Variants in BNC2 observed in about 807,000 individuals in gnomAD.
BNC2 encodes the protein basonuclin zinc finger protein 2.
A neutral mutation model predicts 76.3 loss-of-function variants in BNC2; 20 were observed. The ratio of observed to expected loss-of-function variants is 0.26; its 90% CI spans 0.18 to 0.38. The LOEUF is 0.38. Among genes scored for constraint, BNC2 ranks in the 10% least tolerant of loss-of-function variants. The pLI is 1.00. For missense variants in BNC2, 1,382 were observed against 1,399.8 expected, an observed-to-expected ratio of 0.99 and a Z score of 0.20; for synonymous variants, 582 against 514.8, an observed-to-expected ratio of 1.13 and a Z score of -1.77.
chr9:16,679,748 G>T (rs1162377100), intron 3 of BNC2, among the ~76,000 whole-genome samples: 1 of 152,194 alleles, frequency 6.6e-6, no homozygotes, highest in Non-Finnish European at 1.5e-5. Context: ...AGGCAGGAAG[G>T]CGTGAGAAAC....
intron 1 of BNC2, among the ~76,000 whole-genome samples, chr9:16,747,612 C>G (rs184116940): frequency 6.6e-6 from 1 of 152,330 alleles, no homozygotes; most frequent in African/African-American, 2.4e-5. Context: ...ACTGGGAATT[C>G]AAGACCAAGT....
At chr9:16,828,023 C>T (rs1315240257) in intron 1 of BNC2, among the ~76,000 whole-genome samples, 1 of 152,164 alleles carries the variant, frequency 6.6e-6, no homozygotes, top group Non-Finnish European at 1.5e-5. Context: ...ACTACTAACA[C>T]TAAATGATCT....
At chr9:16,823,266 G>A (rs1051153740) in intron 1 of BNC2, among the ~76,000 whole-genome samples, 6 of 151,828 alleles carry the variant, frequency 4.0e-5, no homozygotes, top group Admixed American at 1.3e-4. Flanking sequence ...AAGTTTATAG[G>A]TCAAACATTA....
chr9:16,615,844 A>C (rs559321583), intron 3 of BNC2, among the ~76,000 whole-genome samples: 4 of 152,318 alleles, frequency 2.6e-5, no homozygotes, highest in East Asian at 1.9e-4. Flanking sequence ...GAATTAATTT[A>C]ATTTTCATGA....
Position 16,415,382 on chromosome 9 carries a change from G to GA in BNC2, c.*3606dup, listed in dbSNP as rs1204924609. On this transcript the variant is annotated 3_prime_UTR_variant, in exon 7 of 7. Transcript: ENST00000380672. ...AGTACAAGTTTCAACATCAGCTAGA[G>GA]AACATGCACAGTCATACCGCCTAAT... The GA allele has an allele frequency of 3.9e-5, 6 of 152,582 alleles. No individual in the cohort carries two copies. Among genetic ancestry groups the GA allele is most frequent in the Non-Finnish European group, 8.8e-5 (6 of 68,036 alleles). The allele number at this position is 152,582 out of a possible 1,614,324, so 9.5% of individuals were successfully genotyped here.
In BNC2 at chr9:16,419,211, G is replaced by C. The variant is rs758679499; in HGVS notation, c.3078C>G (p.Ser1026Arg). 1 of 1,614,196 alleles carries C rather than the reference G, an allele frequency of 6.2e-7. No individual in the cohort carries two copies. The highest frequency in any genetic ancestry group is 2.2e-5 in the East Asian group (1 of 44,854). Residue 1026 changes from serine to arginine, a missense_variant, in exon 7 of 7, where the codon AGC becomes AGG. Transcript: ENST00000380672. ...TCCCACCATTGCTCCCAGACAAGCT[G>C]CTGAACATAAGAGATCCTGAAACTT... ...GAEVSGSLMF[S>R]SLSGSNGGIM...
intron 5 of BNC2, among the ~76,000 whole-genome samples, chr9:16,534,004 TCTAC>T (rs1304216492): frequency 6.6e-6 from 1 of 152,160 alleles, no homozygotes; most frequent in African/African-American, 2.4e-5. Context: ...AACATCCACG[TCTAC>T]CTAACACTGG....
In BNC2 at chr9:16,601,242, G is replaced by A. The variant is rs115723561; in HGVS notation, c.331-18157C>T. Reference sequence around the variant, plus strand: ...ATATCCAGGACCACACTCCAGAATCGGGGAATCGCAACTTCCAGTCCACTT... The same window carrying A: ...ATATCCAGGACCACACTCCAGAATCAGGGAATCGCAACTTCCAGTCCACTT... On this transcript the variant is annotated intron_variant, in intron 3 of 6. Transcript: ENST00000380672. Among the ~76,000 whole-genome samples, 636 of 152,194 alleles carry A rather than the reference G, an allele frequency of 4.2e-3. 6 individuals are homozygous for A. The highest frequency in any genetic ancestry group is 0.015 in the African/African-American group (604 of 41,524).
At chr9:16,531,346 G>A (rs1033462950) in intron 5 of BNC2, among the ~76,000 whole-genome samples, 2 of 150,918 alleles carry the variant, frequency 1.3e-5, no homozygotes, top group African/African-American at 4.9e-5. Context: ...AGAAAGCGGC[G>A]ACAAGATGCT....
At chr9:16,843,020 T>A (rs1818873530) in intron 1 of BNC2, among the ~76,000 whole-genome samples, 1 of 152,124 alleles carries the variant, frequency 6.6e-6, no homozygotes, top group Non-Finnish European at 1.5e-5. Context: ...AAATTCAAAG[T>A]TTTTTAATGA....
chr9:16,697,235 G>A (rs575190883), intron 3 of BNC2, among the ~76,000 whole-genome samples: 195 of 152,246 alleles, frequency 1.3e-3, no homozygotes, highest in African/African-American at 3.6e-3. Flanking sequence ...GCACGTGCCC[G>A]TAGTCCCAGC....
intron 3 of BNC2, among the ~76,000 whole-genome samples, chr9:16,636,610 CT>C (rs1821336007): frequency 2.0e-5 from 3 of 152,080 alleles, no homozygotes; most frequent in African/African-American, 7.2e-5. Flanking sequence ...GCTAGATAAG[CT>C]TTTTGTATAA....
At chr9:16,781,266 T>C (rs368499108) in intron 1 of BNC2, among the ~76,000 whole-genome samples, 4 of 152,356 alleles carry the variant, frequency 2.6e-5, no homozygotes, top group African/African-American at 9.6e-5. Flanking sequence ...GGACTGATAT[T>C]GGAGGCAGGT....
intron 1 of BNC2, among the ~76,000 whole-genome samples, chr9:16,796,453 TG>T (rs1817650152): frequency 6.6e-6 from 1 of 152,038 alleles, no homozygotes; most frequent in African/African-American, 2.4e-5. Context: ...TATAGGAGAC[TG>T]CTTAATAAGA....
chr9:16,614,958 T>TTAAAAAAAA (rs1820655766), intron 3 of BNC2, among the ~76,000 whole-genome samples: 7 of 62,526 alleles, frequency 1.1e-4, no homozygotes, highest in African/African-American at 4.6e-4. Context: ...TCTGTCTCTT[T>TTAAAAAAAA]AAAAAAAAAA....
chr9:16,620,207 T>C (rs539829155), intron 3 of BNC2, among the ~76,000 whole-genome samples: 1 of 152,156 alleles, frequency 6.6e-6, no homozygotes, highest in Non-Finnish European at 1.5e-5. Context: ...GAAAAAATCA[T>C]TCTGAATTCC....
At chr9:16,807,914 A>G (rs1198039079) in intron 1 of BNC2, among the ~76,000 whole-genome samples, 4 of 152,322 alleles carry the variant, frequency 2.6e-5, no homozygotes, top group Middle Eastern at 6.8e-3. Context: ...TATACTTTGT[A>G]GAATAAAAGA....
At chr9:16,426,110 T>C (rs546478747) in intron 6 of BNC2, among the ~76,000 whole-genome samples, 2 of 152,302 alleles carry the variant, frequency 1.3e-5, no homozygotes, top group Admixed American at 6.5e-5. Context: ...TTACTACTAT[T>C]GTTGGGTAAG....
At chr9:16,631,348 G>A (rs1035466655) in intron 3 of BNC2, among the ~76,000 whole-genome samples, 2 of 152,016 alleles carry the variant, frequency 1.3e-5, no homozygotes, top group African/African-American at 4.8e-5. Context: ...TACCCCCACC[G>A]AATCACCATT....
Sources: gnomAD v4.1 joint callset for allele counts (sites outside exome capture counted in the v4.1 genomes callset) on GRCh38, gnomAD v4.1.1 for gene constraint, MANE v1.5 for transcripts, NCBI Gene and HGNC (gene_info 2026-07-23, HGNC 2026-07-21) for gene names.